The following WNT2B variants were observed in gnomAD, a reference collection of about 807,000 sequenced individuals.
WNT2B encodes the protein protein Wnt-2b.
WNT2B carries 19 observed loss-of-function variants against 40.5 expected under a neutral mutation model. The ratio of observed to expected loss-of-function variants is 0.47; its 90% CI spans 0.33 to 0.69. WNT2B has a LOEUF of 0.69. Among genes scored for constraint, WNT2B ranks in the 30% least tolerant of loss-of-function variants. WNT2B has a pLI of 0.02. For synonymous variants in WNT2B, 220 were observed against 211.9 expected, an observed-to-expected ratio of 1.04 and a Z score of -0.33; for missense variants, 467 against 556.4, an observed-to-expected ratio of 0.84 and a Z score of 1.62.
At chr1:112,496,587 C>T (rs956012122) in intron 1 of WNT2B, among the ~76,000 whole-genome samples, 6 of 148,188 alleles carry the variant, frequency 4.0e-5, no homozygotes, top group Non-Finnish European at 7.5e-5. Flanking sequence ...GTAGGACAGA[C>T]GTTTCTTTTT....
At chr1:112,484,290 TAC>T (rs1553230299) in intron 1 of WNT2B, among the ~76,000 whole-genome samples, 3 of 126,036 alleles carry the variant, frequency 2.4e-5, no homozygotes, top group South Asian at 4.8e-4. Context: ...TATATATATA[TAC>T]ACACACATAT....
intron 1 of WNT2B, among the ~76,000 whole-genome samples, chr1:112,499,412 A>G (rs1651877265): frequency 6.6e-6 from 1 of 152,242 alleles, no homozygotes; most frequent in Non-Finnish European, 1.5e-5. Context: ...ACAAAATATT[A>G]GCAAATCAAG....
Position 112,514,902 on chromosome 1 carries a change from A to G in WNT2B, c.211A>G (p.Ile71Val). The G allele has an allele frequency of 6.2e-7, 1 of 1,614,204 alleles. No homozygotes were observed. The highest frequency in any genetic ancestry group is 8.5e-7 in the Non-Finnish European group (1 of 1,180,028). Reference protein sequence around the residue: ...WYIGALGARVICDNIPGLVSR... With the variant: ...WYIGALGARVVCDNIPGLVSR... Reference sequence around the variant, plus strand: ...CATTGGGGCACTGGGGGCACGAGTGATCTGTGACAATATCCCTGGTTTGGT... The same window carrying G: ...CATTGGGGCACTGGGGGCACGAGTGGTCTGTGACAATATCCCTGGTTTGGT... The change falls in exon 2 of 5, where the codon ATC becomes GTC. Residue 71 changes from isoleucine (I) to valine (V), a missense_variant. Physicochemically the swap from Ile to Val is conservative, Grantham distance 29. Around this residue, in one of 2 missense-constraint regions of WNT2B, gnomAD observed 137 missense variants for 117.7 expected, o/e 1.16. Coordinates refer to ENST00000369684, the MANE Select transcript of WNT2B (RefSeq NM_024494.3).
chr1:112,467,682 T>C, intron 1 of WNT2B: 1 of 702,992 alleles, frequency 1.4e-6, no homozygotes, highest in South Asian at 1.6e-5. Context: ...ATTTATGGGG[T>C]ATATATGATC....
At chr1:112,469,787 T>A (rs573841829) in intron 1 of WNT2B, among the ~76,000 whole-genome samples, 1 of 152,268 alleles carries the variant, frequency 6.6e-6, no homozygotes, top group East Asian at 1.9e-4. Flanking sequence ...CTAATTTTTG[T>A]ATTTTTAGTA....
At position 112,517,599 on chromosome 1, in the gene WNT2B, C is replaced by G. The variant is rs377203566; in HGVS notation, c.946+214C>G. Among the ~76,000 whole-genome samples the G allele has an allele frequency of 1.1e-4, 16 of 152,282 alleles. No individual in the cohort carries two copies. The East Asian group carries it at 2.7e-3, about 26-fold the overall frequency. On this transcript the variant is annotated intron_variant, in intron 4 of 4. Transcript: ENST00000369684. ...GAGGAGGTCACTCAGCTCCTTGAGG[C>G]CTGAGGTCATGCATCGCTCCTTTGT... is the stretch of plus-strand genomic sequence containing the variant.
chr1:112,518,506 T>C lies in WNT2B; in HGVS notation c.946+1121T>C, dbSNP rs141057486. Reference sequence around the variant, plus strand: ...AATGAAGAAAGTAGTCTGTATACTTTGTAGGGTGCTAGAAGAAAAAAACTT... The same window carrying C: ...AATGAAGAAAGTAGTCTGTATACTTCGTAGGGTGCTAGAAGAAAAAAACTT... On this transcript the variant is annotated intron_variant, in intron 4 of 4. Transcript: ENST00000369684. 3.9e-5 allele frequency: 6 copies of C among 152,340 alleles called. No homozygotes were observed. The East Asian group carries it at 1.2e-3, about 29-fold the overall frequency. The allele number at this position is 152,340 out of a possible 1,614,324, so 9.4% of individuals were successfully genotyped here.
intron 1 of WNT2B, among the ~76,000 whole-genome samples, chr1:112,470,717 A>C (rs1650855379): frequency 1.3e-5 from 2 of 152,096 alleles, no homozygotes; most frequent in Non-Finnish European, 2.9e-5. Flanking sequence ...CCCAGGCCCC[A>C]GACAGTCAGC....
intron 1 of WNT2B, among the ~76,000 whole-genome samples, chr1:112,488,312 C>G (rs1201967719): frequency 1.3e-5 from 2 of 151,758 alleles, no homozygotes; most frequent in African/African-American, 2.4e-5. Flanking sequence ...AAACAAACAA[C>G]AACAACAAAA....
At chr1:112,466,768 C>G (rs1017257013) in exon 1 of WNT2B, 1 of 152,168 alleles carries the variant, frequency 6.6e-6, no homozygotes, top group Non-Finnish European at 1.5e-5. Flanking sequence ...TCAGAAATGT[C>G]TTGCTCTTTT....
At chr1:112,485,011 A>G (rs1161509137) in intron 1 of WNT2B, among the ~76,000 whole-genome samples, 1 of 152,250 alleles carries the variant, frequency 6.6e-6, no homozygotes, top group Non-Finnish European at 1.5e-5. Context: ...ATGCAATCCC[A>G]GTGAAAATTC....
In WNT2B at chr1:112,494,225, G is replaced by A. The variant is rs952132205; in HGVS notation, c.-94-20649G>A. ...CTCGGGAGGCTGAGGCGGGAGAATCGTTTGAACCCGAGAAGCGGAGGTTGC... is the reference window on the plus strand; with the variant it reads ...CTCGGGAGGCTGAGGCGGGAGAATCATTTGAACCCGAGAAGCGGAGGTTGC... On this transcript the variant is annotated intron_variant, in intron 1 of 4. Transcript: ENST00000256640. Among the ~76,000 whole-genome samples the A allele has an allele frequency of 6.6e-5, 10 of 151,252 alleles. 1 individual carries two copies. The highest frequency in any genetic ancestry group is 1.7e-4 in the African/African-American group (7 of 40,624).
At chr1:112,508,388 G>A (rs1235841932), upstream of WNT2B, among the ~76,000 whole-genome samples, 1 of 151,298 alleles carries the variant, frequency 6.6e-6, no homozygotes, top group Non-Finnish European at 1.5e-5. The surrounding 1 kb of genome is among the most constrained non-coding windows in gnomAD (Gnocchi z 4.2). Context: ...TGCATTGGGG[G>A]TGGGGGGTGC....
chr1:112,516,598 T>A (rs351372), intron 3 of WNT2B, among the ~76,000 whole-genome samples, 181 bp downstream of exon 3: 73,941 of 151,954 alleles, frequency 0.49, 18,535 homozygotes, highest in South Asian at 0.65. Flanking sequence ...CTAGGGTCAA[T>A]CAGGTGCGTG....
In WNT2B at chr1:112,522,204, C is replaced by T. The variant is rs1288280963; in HGVS notation, c.*1695C>T. 6.6e-6 allele frequency: 1 copy of T among 152,002 alleles called. No homozygotes were observed. The highest frequency in any genetic ancestry group is 2.4e-5 in the African/African-American group (1 of 41,380). 9.4% of individuals were successfully genotyped at this position (152,002 alleles called of 1,614,324 possible). ...TGCCATCATGCCCAGCTAATTTAAACATAGTTTTCAGAGATGGAGCTCACT... is the reference window on the plus strand; with the variant it reads ...TGCCATCATGCCCAGCTAATTTAAATATAGTTTTCAGAGATGGAGCTCACT... On this transcript the variant is annotated 3_prime_UTR_variant, in exon 5 of 5. Transcript: ENST00000369684.
chr1:112,497,720 T>G (rs929111604), intron 1 of WNT2B, among the ~76,000 whole-genome samples: 1 of 152,244 alleles, frequency 6.6e-6, no homozygotes, highest in Non-Finnish European at 1.5e-5. Flanking sequence ...CTAAACATGC[T>G]TTTTTATTCT....
Position 112,524,330 on chromosome 1 carries a change from G to A in WNT2B, c.*3821G>A, listed in dbSNP as rs934173405. The A allele has an allele frequency of 1.3e-5, 2 of 152,676 alleles. No individual in the cohort carries two copies. The highest frequency in any genetic ancestry group is 2.9e-5 in the Non-Finnish European group (2 of 68,026). The allele number at this position is 152,676 out of a possible 1,614,324, so 9.5% of individuals were successfully genotyped here. On this transcript the variant is annotated 3_prime_UTR_variant, in exon 5 of 5. Transcript: ENST00000369684. ...ATAGGGCAGAAGCTCAAGCTAGCTG[G>A]GGCGAAGGGAGGACGCCAGGGAGAG...
chr1:112,478,386 C>T (rs1009027017), intron 1 of WNT2B, among the ~76,000 whole-genome samples: 1 of 151,752 alleles, frequency 6.6e-6, no homozygotes, highest in Non-Finnish European at 1.5e-5. Context: ...TAGAATCAAC[C>T]CAAAGAAGAC....
intron 1 of WNT2B, among the ~76,000 whole-genome samples, chr1:112,486,775 A>G (rs1311191383): frequency 6.6e-6 from 1 of 152,200 alleles, no homozygotes; most frequent in Non-Finnish European, 1.5e-5. Flanking sequence ...TAAAACCACA[A>G]TGAGATAGCA....
Sources: gnomAD v4.1 joint callset for allele counts (sites outside exome capture counted in the v4.1 genomes callset) on GRCh38, gnomAD v4.1.1 for gene constraint, gnomAD v4.1.1 regional missense constraint, Gnocchi (gnomAD v3.1) non-coding constraint, MANE v1.5 for transcripts, NCBI Gene and HGNC (gene_info 2026-07-23, HGNC 2026-07-21) for gene names.